Variants in CRLF2 observed in about 807,000 individuals in gnomAD.
CRLF2 encodes the protein cytokine receptor-like factor 2.
In CRLF2, 41 loss-of-function variants were observed where a neutral mutation model predicts 38.7. That is an observed-to-expected ratio of 1.06 (90% CI 0.83 to 1.37). The LOEUF is 1.37. CRLF2 is among the 40% of genes most tolerant of loss of function. CRLF2 has a pLI of 0.00. For missense variants in CRLF2, 377 were observed against 322.2 expected, an observed-to-expected ratio of 1.17 and a Z score of -1.30; for synonymous variants, 140 against 128.8, an observed-to-expected ratio of 1.09 and a Z score of -0.59.
At chrX:1,207,635 T>C (rs1470899420) in intron 2 of CRLF2, among the ~76,000 whole-genome samples, 1 of 151,460 alleles carries the variant, frequency 6.6e-6, no homozygotes, top group Non-Finnish European at 1.5e-5. Context: ...AGCACTTTTT[T>C]TTTTCTTTTT....
intron 5 of CRLF2, among the ~76,000 whole-genome samples, chrX:1,197,862 G>A (rs1393608822): frequency 1.3e-5 from 2 of 151,728 alleles, no homozygotes; most frequent in East Asian, 1.9e-4. Context: ...TTAATCAGGT[G>A]TGGTGGCGTG....
chrX:1,210,103 CAAAAA>C (rs1290430150), intron 1 of CRLF2, among the ~76,000 whole-genome samples: 1 of 37,202 alleles, frequency 2.7e-5, no homozygotes, highest in Non-Finnish European at 4.6e-5. Flanking sequence ...GACTCCCTAT[CAAAAA>C]AAAAAAAGAA....
At chrX:1,194,053 G>A (rs1292691702) in intron 6 of CRLF2, among the ~76,000 whole-genome samples, 31,779 of 147,214 alleles carry the variant, frequency 0.22, 3,437 homozygotes, top group Admixed American at 0.27. Context: ...TGAACCTGGG[G>A]GGCAGAGGTT....
chrX:1,197,196 G>T (rs746245183), intron 5 of CRLF2, among the ~76,000 whole-genome samples: 36 of 148,572 alleles, frequency 2.4e-4, no homozygotes, highest in African/African-American at 8.4e-4. Flanking sequence ...GGACTCAAGC[G>T]ATTCTCCTGT....
At chrX:1,212,297 G>C (rs1388681906) in intron 1 of CRLF2, among the ~76,000 whole-genome samples, 1 of 150,994 alleles carries the variant, frequency 6.6e-6, no homozygotes, top group African/African-American at 2.4e-5. Flanking sequence ...GCCACCGAAA[G>C]CTCATATAAG....
chrX:1,204,666 G>C (rs1196036377), intron 3 of CRLF2, among the ~76,000 whole-genome samples: 1 of 137,696 alleles, frequency 7.3e-6, no homozygotes, highest in Non-Finnish European at 1.6e-5. Context: ...GATTACAAGC[G>C]TGTGCCACCA....
At chrX:1,207,918 GTC>G (rs1271537835) in intron 2 of CRLF2, among the ~76,000 whole-genome samples, 3 of 152,130 alleles carry the variant, frequency 2.0e-5, no homozygotes, top group African/African-American at 7.2e-5. Flanking sequence ...CCAACGGTGA[GTC>G]TTATTTTCCA....
At chrX:1,192,487 G>A (rs1305367253) in intron 7 of CRLF2, among the ~76,000 whole-genome samples, 4 of 151,616 alleles carry the variant, frequency 2.6e-5, no homozygotes, top group South Asian at 2.1e-4. Context: ...GTGGTGGCGG[G>A]CGCCTGTCAT....
intron 1 of CRLF2, among the ~76,000 whole-genome samples, chrX:1,209,384 T>G (rs1227026090): frequency 2.6e-5 from 4 of 151,352 alleles, no homozygotes; most frequent in South Asian, 4.2e-4. Flanking sequence ...CAGGCTGGAC[T>G]GCAGTGGCGC....
At chrX:1,205,088 T>TA (rs1325679113) in intron 3 of CRLF2, among the ~76,000 whole-genome samples, 1 of 151,910 alleles carries the variant, frequency 6.6e-6, no homozygotes, top group African/African-American at 2.4e-5. Flanking sequence ...TGGCCTCCCA[T>TA]AGTGCTGGGA....
chrX:1,204,646 G>T (rs1354840400), intron 3 of CRLF2, among the ~76,000 whole-genome samples: 3 of 150,536 alleles, frequency 2.0e-5, no homozygotes, highest in Non-Finnish European at 4.4e-5. Context: ...TCAGCCTCCC[G>T]AGTAGCTGGG....
intron 3 of CRLF2, among the ~76,000 whole-genome samples, chrX:1,204,353 C>T (rs1348679924): frequency 1.3e-5 from 2 of 151,962 alleles, no homozygotes. Context: ...CTCAGCGTCC[C>T]GAGTAGCTGG....
At chrX:1,205,942 T>C (rs1485177409) in intron 3 of CRLF2, among the ~76,000 whole-genome samples, 21 of 151,958 alleles carry the variant, frequency 1.4e-4, no homozygotes, top group African/African-American at 5.1e-4. Flanking sequence ...TGCATGAGCT[T>C]TTCAGTACTT....
chrX:1,194,379 T>G (rs1223734611), intron 6 of CRLF2, among the ~76,000 whole-genome samples: 2 of 151,834 alleles, frequency 1.3e-5, no homozygotes, highest in Non-Finnish European at 2.9e-5. Flanking sequence ...GGAGAATCGC[T>G]TGAGCCTGGG....
intron 4 of CRLF2, 93 bp from the exon 5 acceptor site, chrX:1,198,817 T>A (rs1286893995): frequency 7.9e-7 from 1 of 1,262,888 alleles, no homozygotes; most frequent in African/African-American, 1.5e-5. Context: ...GTCCAGAGTT[T>A]TCCTTCCGGA....
At chrX:1,192,708 T>TTTTCTTTTCTTTCTTTC (rs2086409276) in intron 7 of CRLF2, among the ~76,000 whole-genome samples, 5 of 110,012 alleles carry the variant, frequency 4.5e-5, no homozygotes, top group Non-Finnish European at 7.3e-5. Context: ...TTTTCTTTTC[T>TTTTCTTTTCTTTCTTTC]TTTCTTTCTT....
intron 5 of CRLF2, among the ~76,000 whole-genome samples, chrX:1,197,480 C>G (rs756493083): frequency 1.3e-5 from 2 of 151,948 alleles, no homozygotes; most frequent in East Asian, 3.9e-4. Context: ...AGCTTGCTTT[C>G]GTGTGTTGGT....
At position 1,212,417 on chromosome X, in the gene CRLF2, G is replaced by GAAAAAA. The variant is rs1336623965; in HGVS notation, c.79+138_79+139insTTTTTT. On this transcript the variant is annotated intron_variant, in intron 1 of 7. Coordinates refer to ENST00000400841, the MANE Select transcript of CRLF2 (RefSeq NM_022148.4). Reference sequence around the variant, plus strand: ...TGAGGCAGGAGAATTGCTTGAACCCGGAAAAAAAAAAAAAAAAAAAAGAAA... The same window carrying GAAAAAA: ...TGAGGCAGGAGAATTGCTTGAACCCGAAAAAAGAAAAAAAAAAAAAAAAAAAAGAAA... The GAAAAAA allele has an allele frequency of 1.7e-5, 9 of 531,662 alleles. No homozygotes were observed. The African/African-American group carries it at 3.8e-4, about 23-fold the overall frequency. 32.9% of individuals were successfully genotyped at this position (531,662 alleles called of 1,614,324 possible).
rs1198552921 is a variant in CRLF2 at position 1,190,742 on chromosome X, T to G, written c.*155A>C. On this transcript the variant is annotated 3_prime_UTR_variant, in exon 8 of 8. Coordinates refer to ENST00000400841, the MANE Select transcript of CRLF2 (RefSeq NM_022148.4). ...GAAAGTTAGCAGGGCAGTGGCCGCATTAGGCGGTGAGGCTGGGTCTTCAGA... is the reference window on the plus strand; with the variant it reads ...GAAAGTTAGCAGGGCAGTGGCCGCAGTAGGCGGTGAGGCTGGGTCTTCAGA... The G allele has an allele frequency of 2.6e-4, 103 of 398,022 alleles. No homozygotes were observed. Among genetic ancestry groups the G allele is most frequent in the Admixed American group, 4.4e-4 (10 of 22,734 alleles). 24.7% of individuals were successfully genotyped at this position (398,022 alleles called of 1,614,324 possible).
Sources: allele counts gnomAD v4.1 joint callset (sites outside exome capture counted in the v4.1 genomes callset), GRCh38; gene constraint gnomAD v4.1.1; transcripts MANE v1.5; gene names NCBI Gene and HGNC (gene_info 2026-07-23, HGNC 2026-07-21).